The following ANXA8 variants were observed in gnomAD, a reference collection of about 807,000 sequenced individuals.
ANXA8 encodes annexin A8.
A neutral mutation model predicts 26.8 loss-of-function variants in ANXA8; 9 were observed. The observed-to-expected ratio is 0.34, with a 90% confidence interval of 0.20 to 0.59. The LOEUF (loss-of-function observed/expected upper bound fraction) is 0.59, where lower values mean the gene tolerates loss of function less well. Ranked by LOEUF, ANXA8 falls within the 20% of genes least tolerant of loss-of-function variation. The pLI, the probability that ANXA8 is intolerant of heterozygous loss-of-function variation, is 0.84. For synonymous variants in ANXA8, 39 were observed against 94.8 expected (o/e 0.41, Z 3.42); for missense variants, 83 against 238.5 (o/e 0.35, Z 4.29).
the ANXA8 span, among the ~76,000 whole-genome samples, chr10:47,659,106 C>T: frequency 2.0e-5 from 3 of 151,828 alleles, no homozygotes; most frequent in African/African-American, 4.9e-5. Context: ...CTCCTGACCT[C>T]GTGATCTGCC....
At chr10:47,528,338 C>G in the ANXA8 span, among the ~76,000 whole-genome samples, 2 of 138,134 alleles carry the variant, frequency 1.4e-5, no homozygotes, top group African/African-American at 2.7e-5. Context: ...CTCGGCCTCC[C>G]AAAGTCTGGG....
At chr10:47,948,075 A>C in the ANXA8 span, among the ~76,000 whole-genome samples, 2 of 149,672 alleles carry the variant, frequency 1.3e-5, no homozygotes, top group Non-Finnish European at 3.0e-5. Context: ...ATAAAGTCTA[A>C]TCTAACCCCT....
chr10:47,506,703 G>C, the ANXA8 span, among the ~76,000 whole-genome samples: 848 of 126,832 alleles, frequency 6.7e-3, 20 homozygotes, highest in African/African-American at 0.015. Context: ...GCAATGGCAC[G>C]ATCTCAGCTC....
the ANXA8 span, among the ~76,000 whole-genome samples, chr10:47,721,186 C>T: frequency 7.1e-6 from 1 of 141,414 alleles, no homozygotes; most frequent in South Asian, 2.2e-4. Context: ...TAACAAACAA[C>T]ATTGATTTAT....
At chr10:47,559,499 G>T in the ANXA8 span, among the ~76,000 whole-genome samples, 2 of 151,780 alleles carry the variant, frequency 1.3e-5, no homozygotes, top group African/African-American at 4.9e-5. Flanking sequence ...ATTTTTGATA[G>T]TTATCTTTGG....
the ANXA8 span, among the ~76,000 whole-genome samples, chr10:47,572,668 C>T: frequency 2.8e-5 from 4 of 141,368 alleles, no homozygotes; most frequent in South Asian, 2.4e-4. Flanking sequence ...AGTGAGCTGA[C>T]GTCATGCCGT....
At chr10:47,530,517 G>A in the ANXA8 span, among the ~76,000 whole-genome samples, 484 of 60,738 alleles carry the variant, frequency 8.0e-3, no homozygotes, top group East Asian at 0.078. Flanking sequence ...GTGAAATCTC[G>A]TCTCCACTAA....
chr10:47,501,546 A>G, the ANXA8 span, among the ~76,000 whole-genome samples: 1 of 136,082 alleles, frequency 7.3e-6, no homozygotes. Flanking sequence ...CGTCTCTACT[A>G]AAAATACAAA....
chr10:47,699,794 T>C, the ANXA8 span, among the ~76,000 whole-genome samples: 4 of 151,608 alleles, frequency 2.6e-5, no homozygotes, highest in Admixed American at 6.6e-5. Flanking sequence ...ATTGCACCAC[T>C]GTACTCCAGC....
chr10:47,676,443 C>A, the ANXA8 span, among the ~76,000 whole-genome samples: 9 of 151,848 alleles, frequency 5.9e-5, no homozygotes, highest in African/African-American at 1.9e-4. Context: ...AGAGATCTTA[C>A]AAGCAACAGG....
the ANXA8 span, among the ~76,000 whole-genome samples, chr10:47,664,722 GT>G: frequency 1.3e-5 from 2 of 148,392 alleles, no homozygotes; most frequent in African/African-American, 2.5e-5. Context: ...GGAATATTGG[GT>G]TTTTTTGTTG....
the ANXA8 span, among the ~76,000 whole-genome samples, chr10:47,554,510 G>GC: frequency 6.7e-6 from 1 of 150,352 alleles, no homozygotes; most frequent in Non-Finnish European, 1.5e-5. Flanking sequence ...TCCACCCATT[G>GC]CCACCTGAGG....
At chr10:47,671,298 T>G in the ANXA8 span, among the ~76,000 whole-genome samples, 1 of 151,642 alleles carries the variant, frequency 6.6e-6, no homozygotes, top group Non-Finnish European at 1.5e-5. Flanking sequence ...GGTGCGTGCC[T>G]GTAGTCCTAG....
Position 47,474,949 on chromosome 10 carries a change from G to T in ANXA8, c.548C>A (p.Ala183Glu). 2 of 1,532,980 alleles carry T rather than the reference G, an allele frequency of 1.3e-6. No homozygotes were observed. Among genetic ancestry groups the T allele is most frequent in the Non-Finnish European group, 1.8e-6 (2 of 1,133,160 alleles). The allele number at this position is 1,532,980 out of a possible 1,614,324, so 95.0% of individuals were successfully genotyped here. The change falls in exon 7 of 12, where the codon GCA (alanine) becomes GAA (glutamate). Residue 183 changes from alanine to glutamate, a missense_variant. This residue lies in a region of ANXA8 where 24 missense variants were observed against 30.6 expected (regional missense o/e 0.78). Transcript: ENST00000585281. ...FVDPGLALQD[A>E]QDLYAAGEKI... ...GCCGGCTGGGCGCAGCCTCACCTGTGCGTCTTGGAGGGCCAGTCCTGGGTC... is the reference window on the plus strand; with the variant it reads ...GCCGGCTGGGCGCAGCCTCACCTGTTCGTCTTGGAGGGCCAGTCCTGGGTC...
the ANXA8 span, among the ~76,000 whole-genome samples, chr10:47,605,952 C>T: frequency 6.0e-5 from 9 of 149,170 alleles, no homozygotes; most frequent in Non-Finnish European, 1.3e-4. Context: ...AAAAATCAAA[C>T]ATCTATCCTT....
the ANXA8 span, among the ~76,000 whole-genome samples, chr10:47,940,088 C>G: frequency 6.6e-6 from 1 of 151,296 alleles, no homozygotes; most frequent in Non-Finnish European, 1.5e-5. Context: ...TTTACCTTCT[C>G]TGAAAACTTT....
the ANXA8 span, among the ~76,000 whole-genome samples, chr10:47,522,077 AAGCCC>A: frequency 1.3e-5 from 2 of 150,348 alleles, no homozygotes; most frequent in African/African-American, 5.0e-5. Context: ...GTGAGCCACC[AAGCCC>A]AGCCAAAACT....
chr10:47,673,584 G>C, the ANXA8 span, among the ~76,000 whole-genome samples: 1 of 151,222 alleles, frequency 6.6e-6, no homozygotes, highest in African/African-American at 2.5e-5. Flanking sequence ...GTGTGCGACT[G>C]GAGAGCAAGG....
chr10:47,768,579 C>T, the ANXA8 span, among the ~76,000 whole-genome samples: 2 of 150,714 alleles, frequency 1.3e-5, no homozygotes, highest in Admixed American at 1.3e-4. Context: ...GATGTGGACT[C>T]CCACCTCCTA....
Sources: gnomAD v4.1 joint callset for allele counts (sites outside exome capture counted in the v4.1 genomes callset) on GRCh38, gnomAD v4.1.1 for gene constraint, gnomAD v4.1.1 regional missense constraint, MANE v1.5 for transcripts, NCBI Gene and HGNC (gene_info 2026-07-23, HGNC 2026-07-21) for gene names.